IL1RAPL1: variants seen among roughly 807,000 people sequenced by gnomAD.
IL1RAPL1 encodes the protein interleukin-1 receptor accessory protein-like 1.
IL1RAPL1 carries 3 observed loss-of-function variants against 48.4 expected under a neutral mutation model. The ratio of observed to expected loss-of-function variants is 0.06; its 90% CI spans 0.03 to 0.16. The LOEUF (loss-of-function observed/expected upper bound fraction) is 0.16. IL1RAPL1 is among the 10% of genes least tolerant of loss of function. IL1RAPL1 has a pLI of 1.00. For synonymous variants in IL1RAPL1, 185 were observed against 187.7 expected (o/e 0.99, Z 0.12); for missense variants, 349 against 530.6 (o/e 0.66, Z 3.36).
At chrX:29,044,286 C>G (rs1350117255) in intron 2 of IL1RAPL1, among the ~76,000 whole-genome samples, 1 of 109,389 alleles carries the variant, frequency 9.1e-6, no homozygotes, top group Non-Finnish European at 1.9e-5. Context: ...CAAAATTAGC[C>G]GAGTATGGTT....
chrX:29,050,419 C>T (rs1927068433), intron 2 of IL1RAPL1, among the ~76,000 whole-genome samples: 1 of 111,611 alleles, frequency 9.0e-6, no homozygotes, highest in Non-Finnish European at 1.9e-5. Flanking sequence ...GGCCTGGGTG[C>T]TTGAATCCAG....
chrX:28,896,813 A>ACC (rs1922930093), intron 2 of IL1RAPL1, among the ~76,000 whole-genome samples: 1 of 109,930 alleles, frequency 9.1e-6, no homozygotes, highest in Admixed American at 9.7e-5. Flanking sequence ...TTGCATTGGG[A>ACC]ACAAAGAGTA....
chrX:29,457,046 A>G (rs1016063344), intron 5 of IL1RAPL1, among the ~76,000 whole-genome samples: 1 of 109,640 alleles, frequency 9.1e-6, no homozygotes, highest in East Asian at 2.9e-4. Flanking sequence ...AGGAGGAAAG[A>G]TCACTTGAGC....
intron 2 of IL1RAPL1, among the ~76,000 whole-genome samples, chrX:28,989,002 T>A (rs1301104998): frequency 2.7e-5 from 3 of 112,253 alleles, no homozygotes; most frequent in Non-Finnish European, 5.6e-5. Context: ...AGTATTTTTG[T>A]TACAGTTTTT....
intron 2 of IL1RAPL1, among the ~76,000 whole-genome samples, chrX:28,986,113 C>T (rs1166944743): frequency 1.8e-5 from 2 of 111,559 alleles, no homozygotes; most frequent in Non-Finnish European, 3.8e-5. Flanking sequence ...TAGATATAAG[C>T]TGGTAGATGG....
At chrX:28,939,583 C>T (rs974870958) in intron 2 of IL1RAPL1, among the ~76,000 whole-genome samples, 3 of 110,685 alleles carry the variant, frequency 2.7e-5, no homozygotes, top group East Asian at 2.8e-4. Context: ...TTGTTTACTA[C>T]GTTTAGTACC....
At chrX:29,220,179 C>T (rs1187431939) in intron 2 of IL1RAPL1, among the ~76,000 whole-genome samples, 3 of 111,711 alleles carry the variant, frequency 2.7e-5, no homozygotes, top group African/African-American at 9.8e-5. Flanking sequence ...AACTGCCCAC[C>T]TGGTTGAAAA....
chrX:29,785,141 C>T, intron 6 of IL1RAPL1, among the ~76,000 whole-genome samples: 1 of 111,876 alleles, frequency 8.9e-6, no homozygotes, highest in South Asian at 3.7e-4. Context: ...GAGAGTTTAA[C>T]CATTTTGCAA....
At chrX:29,303,173 A>G (rs1932564272) in intron 3 of IL1RAPL1, among the ~76,000 whole-genome samples, 1 of 111,778 alleles carries the variant, frequency 8.9e-6, no homozygotes, top group Non-Finnish European at 1.9e-5. Context: ...CAGCCTTCAT[A>G]CGGTAGACGT....
intron 2 of IL1RAPL1, among the ~76,000 whole-genome samples, chrX:28,809,763 G>A (rs767071920): frequency 2.7e-5 from 3 of 109,841 alleles, no homozygotes; most frequent in South Asian, 7.7e-4. Context: ...GGAAGACTGA[G>A]TATATGATTT....
intron 1 of IL1RAPL1, among the ~76,000 whole-genome samples, chrX:28,750,429 T>G (rs1390483394): frequency 8.9e-6 from 1 of 111,806 alleles, no homozygotes; most frequent in Non-Finnish European, 1.9e-5. Context: ...TTTTTGTCAT[T>G]GCTCTAAGTA....
chrX:28,910,553 AAAG>A (rs1276371275), intron 2 of IL1RAPL1, among the ~76,000 whole-genome samples: 4 of 109,816 alleles, frequency 3.6e-5, no homozygotes, highest in Non-Finnish European at 5.7e-5. Flanking sequence ...TTCATTAAAA[AAAG>A]AAGAAATAAT....
intron 1 of IL1RAPL1, among the ~76,000 whole-genome samples, chrX:28,779,723 TTAAA>T (rs1249060963): frequency 6.2e-5 from 6 of 96,174 alleles, no homozygotes; most frequent in Admixed American, 1.2e-4. Context: ...ATTGCTCATC[TTAAA>T]TACTTACCTT....
chrX:29,802,794 T>TAC (rs1929971806), intron 6 of IL1RAPL1, among the ~76,000 whole-genome samples: 1 of 42,013 alleles, frequency 2.4e-5, no homozygotes, highest in Non-Finnish European at 3.7e-5. Flanking sequence ...TGTGTGTGTA[T>TAC]ATATATATAT....
chrX:29,601,427 T>C (rs1045871460), intron 5 of IL1RAPL1, among the ~76,000 whole-genome samples: 4 of 112,071 alleles, frequency 3.6e-5, no homozygotes, highest in Non-Finnish European at 5.6e-5. Flanking sequence ...ATTTGTATAC[T>C]TTGGCTTTTT....
intron 5 of IL1RAPL1, among the ~76,000 whole-genome samples, chrX:29,443,455 G>A (rs906667769): frequency 9.1e-6 from 1 of 110,326 alleles, no homozygotes; most frequent in African/African-American, 3.3e-5. Context: ...TCTATTATTC[G>A]CCATAGCCTA....
chrX:29,474,701 AAACT>A (rs1405263299), intron 5 of IL1RAPL1, among the ~76,000 whole-genome samples: 1 of 111,770 alleles, frequency 8.9e-6, no homozygotes, highest in Admixed American at 9.5e-5. Flanking sequence ...ATCTCATGTG[AAACT>A]AACTGAATGA....
rs967581530 is a variant in IL1RAPL1 at position 29,024,889 on chromosome X, C to T, written c.82+235464C>T. 5.4e-5 allele frequency among the ~76,000 whole-genome samples: 6 copies of T among 111,428 alleles called. No individual in the cohort carries two copies. The Admixed American group carries it at 5.8e-4, about 11-fold the overall frequency. ...ATTTACAGGGTTGTGCAACCATCAC[C>T]ACAATCTAAATTTAGAACCTTTTTG... On this transcript the variant is annotated intron_variant, in intron 2 of 10. Coordinates refer to ENST00000378993, the MANE Select transcript of IL1RAPL1 (RefSeq NM_014271.4).
Position 29,265,820 on chromosome X carries a change from C to T in IL1RAPL1, c.83-17118C>T, listed in dbSNP as rs1443169256. ...ATGAACTCATCATTTTTTATGGCTG[C>T]ACAGTATTCCATGGTGTATATGTGC... On this transcript the variant is annotated intron_variant, in intron 2 of 10. Transcript: ENST00000378993. 4.6e-5 allele frequency among the ~76,000 whole-genome samples: 5 copies of T among 109,556 alleles called. No homozygotes were observed. The Admixed American group carries it at 4.9e-4, about 11-fold the overall frequency.
Sources: gnomAD v4.1 joint callset for allele counts (sites outside exome capture counted in the v4.1 genomes callset) on GRCh38, gnomAD v4.1.1 for gene constraint, MANE v1.5 for transcripts, NCBI Gene and HGNC (gene_info 2026-07-23, HGNC 2026-07-21) for gene names.